P3H2: variants seen among roughly 807,000 people sequenced by gnomAD.
P3H2 encodes leprecan-like 1.
A neutral mutation model predicts 87.0 loss-of-function variants in P3H2; 80 were observed. The ratio of observed to expected loss-of-function variants is 0.92; its 90% confidence interval spans 0.77 to 1.11. The LOEUF (loss-of-function observed/expected upper bound fraction) is 1.11. Ranked by LOEUF, P3H2 falls within the 50% of genes least tolerant of loss-of-function variation. The pLI is 0.00. For synonymous variants in P3H2, 367 were observed against 359.3 expected, an observed-to-expected ratio of 1.02 and a Z score of -0.24; for missense variants, 1,001 against 923.9, an observed-to-expected ratio of 1.08 and a Z score of -1.08.
chr3:190,087,374 A>C (rs1727252346), intron 1 of P3H2, among the ~76,000 whole-genome samples: 1 of 151,346 alleles, frequency 6.6e-6, no homozygotes, highest in South Asian at 2.1e-4. Flanking sequence ...ATCTCTACTA[A>C]AAATACAAAA....
chr3:190,084,255 T>C (rs1727142064), intron 1 of P3H2, among the ~76,000 whole-genome samples: 1 of 152,200 alleles, frequency 6.6e-6, no homozygotes, highest in Non-Finnish European at 1.5e-5. Context: ...CTCTTCAACA[T>C]GTTTGCAGCT....
chr3:189,999,480 G>A (rs1412160595), intron 1 of P3H2, among the ~76,000 whole-genome samples: 1 of 152,128 alleles, frequency 6.6e-6, no homozygotes, highest in Non-Finnish European at 1.5e-5. Context: ...GGTAAGAAAA[G>A]TCCACATAAA....
chr3:190,093,363 G>A (rs1348081310), intron 1 of P3H2, among the ~76,000 whole-genome samples: 1 of 152,068 alleles, frequency 6.6e-6, no homozygotes, highest in Admixed American at 6.6e-5. Context: ...TTCTATACAC[G>A]TGACTAGCTA....
chr3:190,050,481 T>G (rs1013587314), intron 1 of P3H2, among the ~76,000 whole-genome samples: 3 of 152,214 alleles, frequency 2.0e-5, no homozygotes, highest in Non-Finnish European at 4.4e-5. Context: ...GAAGTATCTA[T>G]GCTTCTATAG....
chr3:190,037,247 A>C (rs1213789123), intron 1 of P3H2, among the ~76,000 whole-genome samples: 1 of 152,166 alleles, frequency 6.6e-6, no homozygotes, highest in African/African-American at 2.4e-5. Context: ...TAATTCTAGA[A>C]TTCTGACACT....
intron 1 of P3H2, 59 bp from the exon 2 acceptor site, chr3:189,995,501 A>T (rs538693088): frequency 6.4e-7 from 1 of 1,560,334 alleles, no homozygotes; most frequent in East Asian, 2.3e-5. Context: ...ACACTCAGAG[A>T]AATACAAAGA....
At chr3:190,029,781 A>C (rs994416724) in intron 1 of P3H2, among the ~76,000 whole-genome samples, 3 of 152,142 alleles carry the variant, frequency 2.0e-5, no homozygotes, top group African/African-American at 7.2e-5. Context: ...TGGGTGGATC[A>C]CCTGAGGTCA....
chr3:190,008,545 G>A (rs1270683358), intron 1 of P3H2, among the ~76,000 whole-genome samples: 1 of 152,180 alleles, frequency 6.6e-6, no homozygotes, highest in East Asian at 1.9e-4. Flanking sequence ...GAGGGTTTCT[G>A]ATTCCAATTT....
At chr3:189,964,222 G>A in intron 13 of P3H2, 124 bp from the exon 14 acceptor site, 3 of 865,518 alleles carry the variant, frequency 3.5e-6, no homozygotes, top group Non-Finnish European at 5.7e-6. Context: ...GGAATCCTGG[G>A]ATTGAAGATG....
At chr3:190,097,376 G>C (rs960983765) in intron 1 of P3H2, among the ~76,000 whole-genome samples, 3 of 152,082 alleles carry the variant, frequency 2.0e-5, no homozygotes, top group Non-Finnish European at 2.9e-5. Context: ...TAATGTTGCT[G>C]GTTCCTCATA....
At chr3:189,969,444 T>C (rs1723104256) in intron 13 of P3H2, 3 of 852,316 alleles carry the variant, frequency 3.5e-6, no homozygotes, top group Non-Finnish European at 2.0e-6. Context: ...TTGGCCCCCA[T>C]TGGAATATGG....
intron 1 of P3H2, among the ~76,000 whole-genome samples, chr3:190,115,427 G>GA (rs560968411): frequency 0.16 from 18,004 of 111,750 alleles, 1,202 homozygotes; most frequent in Middle Eastern, 0.26. Context: ...AAAAGTGGGA[G>GA]AAAAAAAAAA....
At chr3:189,966,123 A>AAAG (rs1722985382) in intron 13 of P3H2, among the ~76,000 whole-genome samples, 1 of 102,192 alleles carries the variant, frequency 9.8e-6, no homozygotes, top group Non-Finnish European at 1.9e-5. Flanking sequence ...GAAAGAAAGA[A>AAAG]AAAGAAAGAA....
chr3:189,960,818 G>A (rs569382857), intron 14 of P3H2, among the ~76,000 whole-genome samples: 7 of 152,214 alleles, frequency 4.6e-5, no homozygotes, highest in African/African-American at 1.4e-4. Context: ...GCAAGAGCTT[G>A]TAATAAAAAA....
At chr3:190,028,002 ACCT>A (rs997295399) in intron 1 of P3H2, among the ~76,000 whole-genome samples, 1 of 150,962 alleles carries the variant, frequency 6.6e-6, no homozygotes, top group Non-Finnish European at 1.5e-5. Context: ...GGCTTCCACT[ACCT>A]CCTCTGCTCA....
intron 1 of P3H2, among the ~76,000 whole-genome samples, chr3:190,033,122 A>G (rs1666481): frequency 0.81 from 122,459 of 152,046 alleles, 49,366 homozygotes; most frequent in East Asian, 0.86. Flanking sequence ...CGCGCTCCTA[A>G]GAGAATCTAA....
chr3:190,093,878 T>C (rs571912787), intron 1 of P3H2, among the ~76,000 whole-genome samples: 115 of 152,238 alleles, frequency 7.6e-4, no homozygotes, highest in Non-Finnish European at 1.4e-3. Context: ...GATTATACGC[T>C]ATAAGTTTAA....
At chr3:190,017,309 C>T (rs1724786938) in intron 1 of P3H2, among the ~76,000 whole-genome samples, 1 of 152,068 alleles carries the variant, frequency 6.6e-6, no homozygotes, top group Admixed American at 6.6e-5. Context: ...TAAATTTAAG[C>T]CACCTCAGCT....
chr3:190,111,041 C>T (rs571215602), intron 1 of P3H2, among the ~76,000 whole-genome samples: 1 of 152,096 alleles, frequency 6.6e-6, no homozygotes, highest in Non-Finnish European at 1.5e-5. Flanking sequence ...TTTTGGATCT[C>T]CCTCTTTCTG....
Sources: allele counts gnomAD v4.1 joint callset (sites outside exome capture counted in the v4.1 genomes callset), GRCh38; gene constraint gnomAD v4.1.1; transcripts MANE v1.5; gene names NCBI Gene and HGNC (gene_info 2026-07-23, HGNC 2026-07-21).